The following NRXN1 variants were observed in gnomAD, a reference collection of about 807,000 sequenced individuals.
NRXN1 encodes neurexin 1.
A neutral mutation model predicts 150.9 loss-of-function variants in NRXN1; 39 were observed. The ratio of observed to expected loss-of-function variants is 0.26; its 90% CI spans 0.20 to 0.34. The LOEUF (loss-of-function observed/expected upper bound fraction) is 0.34, where lower values mean the gene tolerates loss of function less well. Among genes scored for constraint, NRXN1 ranks in the 10% least tolerant of loss-of-function variants. The probability of loss-of-function intolerance (pLI) is 1.00; values close to 1 mark genes in which losing one functional copy is unlikely to be tolerated. For missense variants in NRXN1, 1,815 were observed against 1,949.9 expected (o/e 0.93, Z 1.30); for synonymous variants, 924 against 757.0 (o/e 1.22, Z -3.62).
intron 17 of NRXN1, among the ~76,000 whole-genome samples, chr2:50,237,927 G>T (rs2152881062): frequency 6.6e-6 from 1 of 152,084 alleles, no homozygotes; most frequent in Non-Finnish European, 1.5e-5. Flanking sequence ...GTTCTAACAA[G>T]ATCTGATGGT....
intron 17 of NRXN1, among the ~76,000 whole-genome samples, chr2:50,338,767 G>A (rs915467548): frequency 2.6e-5 from 4 of 151,346 alleles, no homozygotes; most frequent in East Asian, 1.9e-4. Flanking sequence ...TGTGCTCATC[G>A]GTTACTGTGA....
intron 5 of NRXN1, among the ~76,000 whole-genome samples, chr2:50,679,870 C>T (rs998082819): frequency 6.6e-6 from 1 of 152,054 alleles, no homozygotes; most frequent in Non-Finnish European, 1.5e-5. Context: ...CAGTGGCTCA[C>T]ACCTGTAATC....
At chr2:50,531,016 A>T (rs997683067) in intron 11 of NRXN1, among the ~76,000 whole-genome samples, 1 of 152,192 alleles carries the variant, frequency 6.6e-6, no homozygotes, top group Non-Finnish European at 1.5e-5. Context: ...CAGTGGTAGA[A>T]ATCACAAAAC....
At chr2:50,621,287 G>A in intron 6 of NRXN1, 38 bp from the exon 7 acceptor site, 1 of 1,483,984 alleles carries the variant, frequency 6.7e-7, no homozygotes, top group Non-Finnish European at 9.2e-7. Flanking sequence ...ATTAAAAACT[G>A]TGAACAGAAT....
At chr2:50,093,651 T>A (rs1264261882) in intron 18 of NRXN1, among the ~76,000 whole-genome samples, 4 of 151,952 alleles carry the variant, frequency 2.6e-5, no homozygotes, top group Admixed American at 6.6e-5. Flanking sequence ...ATAAATATTT[T>A]AAAAATTACC....
At chr2:50,993,811 A>G (rs1698890309) in intron 2 of NRXN1, among the ~76,000 whole-genome samples, 2 of 152,000 alleles carry the variant, frequency 1.3e-5, no homozygotes, top group South Asian at 2.1e-4. Flanking sequence ...TCCTTTCCCT[A>G]TTCTTTATCT....
intron 22 of NRXN1, among the ~76,000 whole-genome samples, chr2:49,925,100 G>A (rs909073621): frequency 3.3e-5 from 5 of 151,852 alleles, no homozygotes; most frequent in African/African-American, 1.2e-4. Context: ...GACCATTTTG[G>A]CCAACATGGT....
chr2:50,542,261 A>G (rs763439462), intron 9 of NRXN1, among the ~76,000 whole-genome samples: 6 of 152,138 alleles, frequency 3.9e-5, no homozygotes, highest in Non-Finnish European at 8.8e-5. Flanking sequence ...AGCCTGGGCA[A>G]CCAGAGCAAA....
intron 5 of NRXN1, among the ~76,000 whole-genome samples, chr2:50,800,830 G>A (rs560556341): frequency 9.9e-4 from 151 of 152,250 alleles, no homozygotes; most frequent in African/African-American, 3.5e-3. Flanking sequence ...GATTACAGGC[G>A]TGAGCCAGCA....
Position 50,771,920 on chromosome 2 carries a change from A to G in NRXN1, c.833-148305T>C, listed in dbSNP as rs571031724. On this transcript the variant is annotated intron_variant, in intron 5 of 22. Coordinates refer to ENST00000401669, the MANE Select transcript of NRXN1 (RefSeq NM_001330078.2). ...GTGAGAGTACACAAATGATAACAAA[A>G]CAGATAAGTTAGTATATAATAAAAG... 2.4e-3 allele frequency among the ~76,000 whole-genome samples: 359 copies of G among 152,240 alleles called. 1 individual carries two copies. Among genetic ancestry groups the G allele is most frequent in the South Asian group, 4.6e-3 (22 of 4,830 alleles).
At chr2:50,434,220 C>T (rs916831357) in intron 17 of NRXN1, among the ~76,000 whole-genome samples, 7 of 144,030 alleles carry the variant, frequency 4.9e-5, no homozygotes, top group Non-Finnish European at 3.1e-5. Context: ...CCACCATGCC[C>T]GGCTAATTTT....
intron 5 of NRXN1, among the ~76,000 whole-genome samples, chr2:50,665,836 T>C (rs1367561580): frequency 6.6e-6 from 1 of 152,006 alleles, no homozygotes; most frequent in East Asian, 1.9e-4. Flanking sequence ...CTGCTTTCTA[T>C]TCTTGGTTCA....
chr2:50,036,736 C>A (rs997197793), intron 21 of NRXN1, among the ~76,000 whole-genome samples: 1 of 152,144 alleles, frequency 6.6e-6, no homozygotes, highest in Admixed American at 6.6e-5. Flanking sequence ...AACGTGAGTT[C>A]TGTACCTGAG....
rs148080061 is a variant in NRXN1, at chr2:50,489,975, C to T, written c.3070+5930G>A. Among the ~76,000 whole-genome samples, 100 of 152,186 alleles carry T rather than the reference C, an allele frequency of 6.6e-4. 1 individual carries two copies. Among genetic ancestry groups the T allele is most frequent in the African/African-American group, 2.3e-3 (95 of 41,500 alleles). The stretch of plus-strand genomic sequence containing the variant: ...ACACACTGACAAAGGCTTTACAGTA[C>T]GGAGAACAGATTGAGACAAATTCTG... On this transcript the variant is annotated intron_variant, in intron 15 of 22. Coordinates refer to ENST00000401669, the MANE Select transcript of NRXN1 (RefSeq NM_001330078.2).
intron 2 of NRXN1, among the ~76,000 whole-genome samples, chr2:50,975,664 A>G (rs1167633517): frequency 6.6e-6 from 1 of 152,052 alleles, no homozygotes; most frequent in African/African-American, 2.4e-5. Context: ...GACATCTGCA[A>G]TTTCTTTGCT....
At chr2:50,970,395 A>G (rs934816305) in intron 2 of NRXN1, among the ~76,000 whole-genome samples, 1 of 152,232 alleles carries the variant, frequency 6.6e-6, no homozygotes, top group Non-Finnish European at 1.5e-5. Context: ...CCACAACCGT[A>G]TATTTTGTAT....
intron 8 of NRXN1, among the ~76,000 whole-genome samples, chr2:50,609,859 C>G (rs1330317259): frequency 6.6e-6 from 1 of 151,996 alleles, no homozygotes; most frequent in African/African-American, 2.4e-5. Flanking sequence ...GGTACATAGT[C>G]CATTGTCATG....
rs969706317 is a variant in NRXN1 at position 50,354,937 on chromosome 2, G to C, written c.3364+110505C>G. On this transcript the variant is annotated intron_variant, in intron 17 of 22. Coordinates refer to ENST00000401669, the MANE Select transcript of NRXN1 (RefSeq NM_001330078.2). Reference sequence around the variant, plus strand: ...AGCATGAGATTGTTGAGAACAACTAGAAGTGGAAGGACAACTCTAAGGCAA... The same window carrying C: ...AGCATGAGATTGTTGAGAACAACTACAAGTGGAAGGACAACTCTAAGGCAA... Among the ~76,000 whole-genome samples, 47 of 152,030 alleles carry C rather than the reference G, an allele frequency of 3.1e-4. No individual in the cohort carries two copies. The East Asian group carries it at 8.6e-3, about 28-fold the overall frequency.
intron 17 of NRXN1, among the ~76,000 whole-genome samples, chr2:50,237,635 G>A (rs559116781): frequency 6.6e-6 from 1 of 151,762 alleles, no homozygotes; most frequent in South Asian, 2.1e-4. Flanking sequence ...CCACCCCAAG[G>A]TGAATACAAG....
Sources: allele counts gnomAD v4.1 joint callset (sites outside exome capture counted in the v4.1 genomes callset), GRCh38; gene constraint gnomAD v4.1.1; transcripts MANE v1.5; gene names NCBI Gene and HGNC (gene_info 2026-07-23, HGNC 2026-07-21).